The following SLC23A2 variants were observed in gnomAD, a reference collection of about 807,000 sequenced individuals.
SLC23A2 encodes the protein Na(+)/L-ascorbic acid transporter 2.
SLC23A2 carries 36 observed loss-of-function variants against 73.3 expected under a neutral mutation model. The ratio of observed to expected loss-of-function variants is 0.49; its 90% CI spans 0.38 to 0.65. The LOEUF is 0.65. Ranked by LOEUF, SLC23A2 falls within the 30% of genes least tolerant of loss-of-function variation. The probability of loss-of-function intolerance (pLI) is 0.00; values close to 1 mark genes in which losing one functional copy is unlikely to be tolerated. For synonymous variants in SLC23A2, 343 were observed against 327.3 expected (o/e 1.05, Z -0.52); for missense variants, 507 against 841.6 (o/e 0.60, Z 4.92).
intron 1 of SLC23A2, among the ~76,000 whole-genome samples, chr20:4,972,313 C>CTGGT (rs2122226569): frequency 6.6e-6 from 1 of 151,700 alleles, no homozygotes; most frequent in Admixed American, 6.6e-5. Flanking sequence ...TGCCATCAGA[C>CTGGT]TGGTACCAGT....
intron 13 of SLC23A2, among the ~76,000 whole-genome samples, chr20:4,865,161 GC>G (rs1164753223): frequency 2.0e-5 from 3 of 152,134 alleles, no homozygotes; most frequent in Non-Finnish European, 4.4e-5. Flanking sequence ...CTGTGGCTCT[GC>G]CTCTAGGACC....
At position 4,853,148 on chromosome 20, in the gene SLC23A2, G is replaced by C. The variant is rs1929586771; in HGVS notation, c.*3824C>G. The stretch of plus-strand genomic sequence containing the variant: ...CCCTGGAGAAGCGAGCTTTGCGAAT[G>C]CTCAGGCCCGGAGCCGCACACTAAC... On this transcript the variant is annotated 3_prime_UTR_variant, in exon 17 of 17. Transcript: ENST00000338244. 3 of 152,346 alleles carry C rather than the reference G, an allele frequency of 2.0e-5. No individual in the cohort carries two copies. The highest frequency in any genetic ancestry group is 2.0e-4 in the Admixed American group (3 of 15,290). The allele number at this position is 152,346 out of a possible 1,614,324, so 9.4% of individuals were successfully genotyped here.
At chr20:4,959,614 C>T (rs2087347934) in intron 2 of SLC23A2, among the ~76,000 whole-genome samples, 1 of 152,090 alleles carries the variant, frequency 6.6e-6, no homozygotes. Context: ...CCTCCCATCT[C>T]AGCCTCCCAA....
chr20:4,923,850 C>G (rs919091433), intron 3 of SLC23A2, among the ~76,000 whole-genome samples: 3 of 152,236 alleles, frequency 2.0e-5, no homozygotes, highest in Middle Eastern at 3.4e-3. Flanking sequence ...CTTTTCACTG[C>G]TGAAAAGGGG....
At chr20:4,956,631 C>T (rs529078716) in intron 2 of SLC23A2, among the ~76,000 whole-genome samples, 2 of 152,108 alleles carry the variant, frequency 1.3e-5, no homozygotes, top group African/African-American at 2.4e-5. Context: ...CCTTCTCTGC[C>T]ATTCGATTAG....
intron 13 of SLC23A2, among the ~76,000 whole-genome samples, chr20:4,866,911 C>T (rs1191565491): frequency 6.6e-6 from 1 of 152,080 alleles, no homozygotes; most frequent in Non-Finnish European, 1.5e-5. Context: ...AACCAATTTT[C>T]ATGGTCTTAG....
chr20:4,889,337 G>A (rs1413807605), intron 6 of SLC23A2, among the ~76,000 whole-genome samples: 1 of 152,064 alleles, frequency 6.6e-6, no homozygotes, highest in African/African-American at 2.4e-5. Flanking sequence ...CTCCACTTGA[G>A]CGAAAGCACA....
chr20:4,857,081 C>T lies in SLC23A2; in HGVS notation c.1844G>A (p.Cys615Tyr), dbSNP rs1452216387. Residue 615 changes from cysteine to tyrosine, a missense_variant, in exon 17 of 17, where the codon TGC becomes TAC. By Grantham distance (194) the Cys-to-Tyr change is radical. Around this residue, in one of 5 missense-constraint regions of SLC23A2, gnomAD observed 168 missense variants for 302.3 expected, o/e 0.56. Transcript: ENST00000338244. The surrounding 1 kb of genome is among the most constrained non-coding windows in gnomAD (Gnocchi z 4.0). ...FGMNIIKKYR[C>Y]FSYLPISPTF... ...TGGGCTGATGGGTAAGTAGCTGAAG[C>T]ATCTGTATTTTTTTATAATGTTCAT... 6.2e-7 allele frequency: 1 copy of T among 1,613,942 alleles called. No individual in the cohort carries two copies. The highest frequency in any genetic ancestry group is 1.1e-5 in the South Asian group (1 of 91,076).
upstream of SLC23A2, among the ~76,000 whole-genome samples, chr20:5,004,066 C>T (rs1008825829): frequency 6.6e-6 from 1 of 152,124 alleles, no homozygotes; most frequent in African/African-American, 2.4e-5. Flanking sequence ...CTCTAACCCC[C>T]TCTGAAGGTC....
At chr20:4,950,435 T>C (rs2087182486) in intron 2 of SLC23A2, among the ~76,000 whole-genome samples, 1 of 152,196 alleles carries the variant, frequency 6.6e-6, no homozygotes, top group African/African-American at 2.4e-5. Flanking sequence ...AACTGTCACA[T>C]TGGAGAGCTG....
In SLC23A2 at chr20:4,857,026, G is replaced by A; in HGVS notation, c.1899C>T (p.Leu633=). The A allele has an allele frequency of 1.2e-6, 2 of 1,614,188 alleles. No individual in the cohort carries two copies. The highest frequency in any genetic ancestry group is 1.1e-5 in the South Asian group (1 of 91,080). The change falls in exon 17 of 17, where the codon CTC becomes CTT. Residue 633 remains leucine, a synonymous_variant. Coordinates refer to ENST00000338244, the MANE Select transcript of SLC23A2 (RefSeq NM_005116.6). The surrounding 1 kb of genome is among the most constrained non-coding windows in gnomAD (Gnocchi z 4.0). Reference sequence around the variant, plus strand: ...AACTCCGGCTGTTGTCGCTCTTCCTGAGGCCTTTCCATGTGTAGCCCACAA... The same window carrying A: ...AACTCCGGCTGTTGTCGCTCTTCCTAAGGCCTTTCCATGTGTAGCCCACAA... ...PTFVGYTWKG[L]RKSDNSRSSD...
At position 4,899,891 on chromosome 20, in the gene SLC23A2, A is replaced by C. The variant is rs1453901865; in HGVS notation, c.325-179T>G. On this transcript the variant is annotated intron_variant, in intron 5 of 16. Coordinates refer to ENST00000338244, the MANE Select transcript of SLC23A2 (RefSeq NM_005116.6). This position sits in a 1 kb window ranked among gnomAD's most constrained non-coding sequence, Gnocchi z 4.9. The stretch of plus-strand genomic sequence containing the variant: ...TTTCAGTATTTCTCCTTTGTTGTTA[A>C]GACAGTTTCACTCCCATTGCCCTCG... Among the ~76,000 whole-genome samples, 1 of 152,116 alleles carries C rather than the reference A, an allele frequency of 6.6e-6. No homozygotes were observed. Among genetic ancestry groups the C allele is most frequent in the Non-Finnish European group, 1.5e-5 (1 of 68,030 alleles).
At chr20:4,875,541 C>CT (rs1343944546) in intron 9 of SLC23A2, among the ~76,000 whole-genome samples, 1 of 152,170 alleles carries the variant, frequency 6.6e-6, no homozygotes, top group Non-Finnish European at 1.5e-5. Flanking sequence ...GGAGGCTGGG[C>CT]TGCGTAAGTC....
intron 1 of SLC23A2, among the ~76,000 whole-genome samples, chr20:5,008,122 C>G (rs144101060): frequency 6.6e-6 from 1 of 152,210 alleles, no homozygotes; most frequent in Non-Finnish European, 1.5e-5. Context: ...GTGGGTCAGG[C>G]TGCTCTCGAA....
intron 1 of SLC23A2, among the ~76,000 whole-genome samples, chr20:4,989,672 TAAA>T (rs879870080): frequency 6.9e-6 from 1 of 145,662 alleles, no homozygotes; most frequent in Non-Finnish European, 1.5e-5. Context: ...CAAGATCCCT[TAAA>T]AAAAAAAAAA....
At chr20:4,945,483 C>T (rs998881329) in intron 2 of SLC23A2, among the ~76,000 whole-genome samples, 3 of 152,114 alleles carry the variant, frequency 2.0e-5, no homozygotes, top group African/African-American at 7.2e-5. Context: ...ACAGGGTCTA[C>T]TTGTTGCCCA....
At chr20:5,009,062 C>T (rs958057577) in intron 1 of SLC23A2, among the ~76,000 whole-genome samples, 1 of 152,140 alleles carries the variant, frequency 6.6e-6, no homozygotes, top group Admixed American at 6.6e-5. Context: ...GCCATGCCCT[C>T]AAAATTGCAC....
chr20:4,940,285 A>C (rs1247809917), intron 2 of SLC23A2, among the ~76,000 whole-genome samples: 1 of 151,866 alleles, frequency 6.6e-6, no homozygotes, highest in Non-Finnish European at 1.5e-5. Flanking sequence ...GCTTCACTAC[A>C]GCCTGGGTGG....
At chr20:4,933,789 T>G (rs184881354) in intron 2 of SLC23A2, among the ~76,000 whole-genome samples, 3 of 152,200 alleles carry the variant, frequency 2.0e-5, no homozygotes, top group Admixed American at 2.0e-4. Flanking sequence ...GTACTCCAAT[T>G]AGGGTGACAT....
Sources: gnomAD v4.1 joint callset for allele counts (sites outside exome capture counted in the v4.1 genomes callset) on GRCh38, gnomAD v4.1.1 for gene constraint, gnomAD v4.1.1 regional missense constraint, Gnocchi (gnomAD v3.1) non-coding constraint, MANE v1.5 for transcripts, NCBI Gene and HGNC (gene_info 2026-07-23, HGNC 2026-07-21) for gene names.